SLC44A5: variants seen among roughly 807,000 people sequenced by gnomAD.
SLC44A5 encodes solute carrier family 44 member 5, also known as choline transporter-like protein 5.
Under a neutral mutation model 101.8 loss-of-function variants are expected in SLC44A5, and 57 were observed. That is an observed-to-expected ratio of 0.56 (90% confidence interval 0.45 to 0.70). The LOEUF (loss-of-function observed/expected upper bound fraction) is 0.70. Ranked by LOEUF, SLC44A5 falls within the 30% of genes least tolerant of loss-of-function variation. The probability of loss-of-function intolerance (pLI) is 0.00; values close to 1 mark genes in which losing one functional copy is unlikely to be tolerated. For missense variants in SLC44A5, 737 were observed against 853.1 expected, an observed-to-expected ratio of 0.86 and a Z score of 1.70; for synonymous variants, 281 against 290.9, an observed-to-expected ratio of 0.97 and a Z score of 0.35.
At chr1:75,685,205 G>T in the SLC44A5 span, among the ~76,000 whole-genome samples, 1 of 152,292 alleles carries the variant, frequency 6.6e-6, no homozygotes, top group East Asian at 1.9e-4. Context: ...ACTGGGCCTA[G>T]CCCACAAAAC....
At chr1:75,373,543 G>GT in intron 3 of SLC44A5, among the ~76,000 whole-genome samples, 1 of 152,276 alleles carries the variant, frequency 6.6e-6, no homozygotes, top group Non-Finnish European at 1.5e-5. Flanking sequence ...GCAACTAAAC[G>GT]TGACTTCAGG....
chr1:75,379,932 C>A (rs1360783187), intron 3 of SLC44A5, among the ~76,000 whole-genome samples: 4 of 82,488 alleles, frequency 4.8e-5, no homozygotes, highest in African/African-American at 8.0e-5. Context: ...AGAGAGCCAC[C>A]TGACTTATGT....
chr1:75,411,539 A>G (rs1663280196), intron 2 of SLC44A5, among the ~76,000 whole-genome samples: 1 of 152,078 alleles, frequency 6.6e-6, no homozygotes, highest in Non-Finnish European at 1.5e-5. Flanking sequence ...GATATATTGG[A>G]GATAGGGAAA....
At chr1:75,203,972 T>G (rs1646706473) in intron 23 of SLC44A5, 139 bp from the exon 24 acceptor site, 13 of 1,059,322 alleles carry the variant, frequency 1.2e-5, no homozygotes, top group Non-Finnish European at 1.7e-5. Context: ...TTAAACAGCA[T>G]AGTTTGGCAT....
At chr1:75,660,642 A>C in the SLC44A5 span, among the ~76,000 whole-genome samples, 12 of 152,338 alleles carry the variant, frequency 7.9e-5, no homozygotes, top group African/African-American at 2.6e-4. Context: ...GGATATAAAA[A>C]CAACATACAA....
At chr1:75,306,714 T>G (rs1193048674) in intron 4 of SLC44A5, among the ~76,000 whole-genome samples, 1 of 149,656 alleles carries the variant, frequency 6.7e-6, no homozygotes, top group African/African-American at 2.5e-5. Flanking sequence ...AGAAACTGAT[T>G]CATTTACTGG....
intron 2 of SLC44A5, among the ~76,000 whole-genome samples, chr1:75,514,740 A>G (rs903918632): frequency 1.3e-5 from 2 of 152,234 alleles, no homozygotes; most frequent in Non-Finnish European, 2.9e-5. Flanking sequence ...TGTTAGAGTC[A>G]AAAGAACTAC....
chr1:75,647,913 G>C, the SLC44A5 span, among the ~76,000 whole-genome samples: 2 of 152,102 alleles, frequency 1.3e-5, no homozygotes, highest in Admixed American at 1.3e-4. Context: ...TTGGACTTTT[G>C]GGTTAATGCT....
At chr1:75,309,480 T>A (rs998704990) in intron 4 of SLC44A5, among the ~76,000 whole-genome samples, 12 of 152,194 alleles carry the variant, frequency 7.9e-5, no homozygotes, top group African/African-American at 2.7e-4. Flanking sequence ...AAAACAAGAT[T>A]TCTCTATTAT....
chr1:75,266,943 G>A (rs1275672529), intron 6 of SLC44A5, among the ~76,000 whole-genome samples: 8 of 152,162 alleles, frequency 5.3e-5, no homozygotes, highest in East Asian at 1.9e-4. Flanking sequence ...GAATGGTGAC[G>A]GTGCGTGCGG....
chr1:75,413,528 G>T (rs1304734733), intron 2 of SLC44A5, among the ~76,000 whole-genome samples: 1 of 151,882 alleles, frequency 6.6e-6, no homozygotes, highest in Non-Finnish European at 1.5e-5. Flanking sequence ...CTATTATCTG[G>T]GATCTCATAT....
chr1:75,533,331 C>T (rs1310253523), intron 2 of SLC44A5, among the ~76,000 whole-genome samples: 1 of 152,198 alleles, frequency 6.6e-6, no homozygotes, highest in Admixed American at 6.5e-5. Context: ...ATTGGAGGAA[C>T]GAGGCCCCAA....
chr1:75,636,652 T>C, the SLC44A5 span, among the ~76,000 whole-genome samples: 2 of 152,106 alleles, frequency 1.3e-5, no homozygotes. Flanking sequence ...ATTATTAGCT[T>C]TGCCAATAAG....
intron 1 of SLC44A5, among the ~76,000 whole-genome samples, chr1:75,604,073 C>G (rs1675175807): frequency 6.6e-6 from 1 of 151,924 alleles, no homozygotes; most frequent in Non-Finnish European, 1.5e-5. Flanking sequence ...AGGACTTAGT[C>G]ATAAATTTTT....
the SLC44A5 span, chr1:75,723,989 G>T: frequency 6.6e-6 from 1 of 152,136 alleles, no homozygotes; most frequent in South Asian, 2.1e-4. Context: ...ACTCCAGGTA[G>T]AATTCCTCAG....
the SLC44A5 span, among the ~76,000 whole-genome samples, chr1:75,720,913 T>C: frequency 3.9e-5 from 6 of 152,288 alleles, no homozygotes; most frequent in Admixed American, 2.6e-4. Flanking sequence ...AAACATTTTC[T>C]GGCTGACACT....
intron 19 of SLC44A5, 110 bp downstream of exon 19, chr1:75,215,644 A>G (rs1030754086): frequency 1.6e-5 from 10 of 638,066 alleles, no homozygotes; most frequent in Non-Finnish European, 2.5e-5. Context: ...ATATCAGCAT[A>G]GTGATAAATT....
intron 3 of SLC44A5, among the ~76,000 whole-genome samples, chr1:75,351,227 G>A (rs532264088): frequency 2.6e-5 from 4 of 151,960 alleles, no homozygotes; most frequent in Admixed American, 6.6e-5. Flanking sequence ...GAACCACAAG[G>A]AGAAAGAGAC....
At chr1:75,630,884 T>C in the SLC44A5 span, among the ~76,000 whole-genome samples, 2 of 152,162 alleles carry the variant, frequency 1.3e-5, no homozygotes, top group East Asian at 3.9e-4. Flanking sequence ...TCCCCAACTA[T>C]GTCAATACTC....
Sources: allele counts gnomAD v4.1 joint callset (sites outside exome capture counted in the v4.1 genomes callset), GRCh38; gene constraint gnomAD v4.1.1; transcripts MANE v1.5; gene names NCBI Gene and HGNC (gene_info 2026-07-23, HGNC 2026-07-21).